BFAR: variants seen among roughly 807,000 people sequenced by gnomAD.
The protein encoded by BFAR is RING finger protein 47.
BFAR carries 52 observed loss-of-function variants against 54.4 expected under a neutral mutation model. The ratio of observed to expected loss-of-function variants is 0.96; its 90% CI spans 0.77 to 1.21. The LOEUF (loss-of-function observed/expected upper bound fraction) is 1.21. Among genes scored for constraint, BFAR ranks in the 50% most tolerant of loss-of-function variants. BFAR has a pLI of 0.00. For synonymous variants in BFAR, 215 were observed against 204.3 expected, an observed-to-expected ratio of 1.05 and a Z score of -0.45; for missense variants, 571 against 534.0, an observed-to-expected ratio of 1.07 and a Z score of -0.68.
intron 2 of BFAR, among the ~76,000 whole-genome samples, chr16:14,645,796 TC>T (rs1959774310): frequency 6.6e-6 from 1 of 152,202 alleles, no homozygotes; most frequent in Admixed American, 6.6e-5. Flanking sequence ...TTTGCTTTTT[TC>T]CCTTCTTATA....
At chr16:14,633,904 C>T (rs1422167425) in intron 1 of BFAR, among the ~76,000 whole-genome samples, 3 of 152,210 alleles carry the variant, frequency 2.0e-5, no homozygotes, top group Non-Finnish European at 4.4e-5. Context: ...CCACTCGCCT[C>T]GGCCTCCCAA....
chr16:14,658,180 G>A (rs142208658), intron 5 of BFAR, among the ~76,000 whole-genome samples: 53 of 152,324 alleles, frequency 3.5e-4, no homozygotes, highest in Non-Finnish European at 6.6e-4. Context: ...AAGACTGGCA[G>A]GCAGCAGATG....
intron 2 of BFAR, among the ~76,000 whole-genome samples, chr16:14,646,612 C>T (rs933354517): frequency 6.6e-6 from 1 of 152,038 alleles, no homozygotes; most frequent in Admixed American, 6.6e-5. Flanking sequence ...GATTCTCCTG[C>T]CTCAGCCTCC....
intron 4 of BFAR, among the ~76,000 whole-genome samples, chr16:14,654,080 C>T (rs376709939): frequency 2.8e-5 from 4 of 140,506 alleles, no homozygotes; most frequent in East Asian, 4.2e-4. Flanking sequence ...AGTGTGATCT[C>T]GGCTCACTGC....
chr16:14,665,623 A>C (rs1239944488), intron 7 of BFAR, among the ~76,000 whole-genome samples: 1 of 152,164 alleles, frequency 6.6e-6, no homozygotes, highest in Non-Finnish European at 1.5e-5. Context: ...GTGCAGAACA[A>C]TTGCTTAGGG....
intron 2 of BFAR, among the ~76,000 whole-genome samples, chr16:14,645,247 C>T (rs1303233413): frequency 6.6e-6 from 1 of 151,388 alleles, no homozygotes; most frequent in Non-Finnish European, 1.5e-5. Context: ...CCTGGGAGGT[C>T]GAGGCTGCAA....
chr16:14,642,046 G>C (rs1446385751), intron 1 of BFAR, among the ~76,000 whole-genome samples: 1 of 152,134 alleles, frequency 6.6e-6, no homozygotes, highest in African/African-American at 2.4e-5. Context: ...GCTGGTAAAT[G>C]GCAGAGGTGG....
intron 6 of BFAR, among the ~76,000 whole-genome samples, chr16:14,663,299 A>G (rs1269687109): frequency 6.8e-6 from 1 of 147,904 alleles, no homozygotes; most frequent in Non-Finnish European, 1.5e-5. Flanking sequence ...CTTCAATTTT[A>G]ACGAGCTCCA....
intron 5 of BFAR, among the ~76,000 whole-genome samples, chr16:14,659,440 C>T (rs909824384): frequency 6.6e-6 from 1 of 151,504 alleles, no homozygotes; most frequent in Admixed American, 6.6e-5. Context: ...GACAGGGTTT[C>T]ACCATGTTGG....
At chr16:14,636,506 A>G (rs1039873949) in intron 1 of BFAR, among the ~76,000 whole-genome samples, 5 of 152,258 alleles carry the variant, frequency 3.3e-5, no homozygotes, top group Non-Finnish European at 4.4e-5. Context: ...TGTTGCCTGC[A>G]TGTCCCACCT....
At position 14,663,694 on chromosome 16, in the gene BFAR, C is replaced by CA. The variant is rs1304917899; in HGVS notation, c.958-1167dup. Among the ~76,000 whole-genome samples the CA allele has an allele frequency of 6.6e-5, 10 of 151,920 alleles. No individual in the cohort carries two copies. In the South Asian group the frequency reaches 1.0e-3, roughly 16 times the overall value. On this transcript the variant is annotated intron_variant, in intron 6 of 7. Coordinates refer to ENST00000261658, the MANE Select transcript of BFAR (RefSeq NM_016561.3). ...TGAAAAGCTTCTCCTCCTGCCATCA[C>CA]AAAAAAAATTACCTTTTTTTGGAGG...
intron 1 of BFAR, among the ~76,000 whole-genome samples, chr16:14,640,727 G>C (rs1374400999): frequency 1.3e-5 from 2 of 152,156 alleles, no homozygotes; most frequent in African/African-American, 4.8e-5. Flanking sequence ...CACTGCAAGA[G>C]GCAGAAGTGT....
chr16:14,660,229 A>G (rs899894215), intron 5 of BFAR, among the ~76,000 whole-genome samples: 3 of 152,152 alleles, frequency 2.0e-5, no homozygotes, highest in African/African-American at 7.2e-5. Context: ...TGCCATCCTT[A>G]TATCTTCTGT....
intron 6 of BFAR, among the ~76,000 whole-genome samples, chr16:14,664,194 A>G (rs1960371571): frequency 6.6e-6 from 1 of 152,122 alleles, no homozygotes; most frequent in Non-Finnish European, 1.5e-5. Context: ...CAGGGCTTGT[A>G]TACATAGGGA....
chr16:14,663,281 A>C (rs1188933250), intron 6 of BFAR, among the ~76,000 whole-genome samples: 1 of 141,886 alleles, frequency 7.0e-6, no homozygotes, highest in Non-Finnish European at 1.5e-5. Context: ...TGCACCTGGC[A>C]CCCAGCCCTT....
chr16:14,661,981 C>T lies in BFAR; in HGVS notation c.873C>T (p.Tyr291=). 2 of 1,614,196 alleles carry T rather than the reference C, an allele frequency of 1.2e-6. No homozygotes were observed. The highest frequency in any genetic ancestry group is 2.2e-5 in the South Asian group (2 of 91,076). ...TGCTCTACCTGTACCTGTTTGACTA[C>T]ACCGACACCTTCCTACCTTTCATCC... The part of the protein sequence containing the change: ...LSLLYLYLFD[Y]TDTFLPFIHT... The change falls in exon 6 of 8, where the codon TAC becomes TAT. Residue 291 remains tyrosine, a synonymous_variant. Coordinates refer to ENST00000261658, the MANE Select transcript of BFAR (RefSeq NM_016561.3).
At position 14,667,475 on chromosome 16, in the gene BFAR, G is replaced by A; in HGVS notation, c.1161-160G>A. The A allele has an allele frequency of 7.5e-6, 5 of 665,854 alleles. No homozygotes were observed. In the South Asian group the frequency reaches 1.0e-4, roughly 13 times the overall value. The allele number at this position is 665,854 out of a possible 1,614,324, so 41.2% of individuals were successfully genotyped here. On this transcript the variant is annotated intron_variant, in intron 7 of 7. Coordinates refer to ENST00000261658, the MANE Select transcript of BFAR (RefSeq NM_016561.3). ...CATGTCCTTGAGAGTTAAAAGATGG[G>A]TTGAGTAGGCAGAGGTCTCAGGCAC...
intron 3 of BFAR, among the ~76,000 whole-genome samples, chr16:14,649,149 C>A (rs1455199032): frequency 6.8e-6 from 1 of 146,340 alleles, no homozygotes; most frequent in East Asian, 2.0e-4. Flanking sequence ...GATCTCGGCT[C>A]ACTGCCACCT....
chr16:14,649,182 T>G (rs1959894536), intron 3 of BFAR, among the ~76,000 whole-genome samples: 1 of 151,916 alleles, frequency 6.6e-6, no homozygotes, highest in Non-Finnish European at 1.5e-5. Context: ...TTCAAGTGAT[T>G]CTTCTGCCTC....
Sources: allele counts gnomAD v4.1 joint callset (sites outside exome capture counted in the v4.1 genomes callset), GRCh38; gene constraint gnomAD v4.1.1; transcripts MANE v1.5; gene names NCBI Gene and HGNC (gene_info 2026-07-23, HGNC 2026-07-21).